The following NAT1 variants were observed in gnomAD, a reference collection of about 807,000 sequenced individuals.
NAT1 encodes arylamine N-acetyltransferase 1.
For missense variants in NAT1, 400 were observed against 339.2 expected (o/e 1.18, Z -1.41); for synonymous variants, 144 against 122.6 (o/e 1.17, Z -1.16).
intron 1 of NAT1, among the ~76,000 whole-genome samples, chr8:18,215,671 T>C (rs966077212): frequency 2.0e-5 from 3 of 152,208 alleles, no homozygotes; most frequent in African/African-American, 7.2e-5. Flanking sequence ...GGTTTTTTTG[T>C]ATATAACTTT....
chr8:18,206,037 G>C (rs925755981), upstream of NAT1, among the ~76,000 whole-genome samples: 1 of 152,216 alleles, frequency 6.6e-6, no homozygotes, highest in African/African-American at 2.4e-5. Flanking sequence ...AGATGCTCCA[G>C]GACCAAACCC....
At position 18,171,980 on chromosome 8, in the gene NAT1, G is replaced by A. The variant is rs548879756; in HGVS notation, n.92+1241G>A. ...CTCTTGAATTCCATTCTAACTCACT[G>A]TCTTTCAGCAAACAGACTAACATCT... On this transcript the variant is annotated intron_variant and non_coding_transcript_variant, in intron 2 of 4. Transcript: ENST00000517441. Among the ~76,000 whole-genome samples the A allele has an allele frequency of 1.2e-4, 19 of 152,266 alleles. 2 individuals carry two copies. The highest frequency in any genetic ancestry group is 4.6e-4 in the African/African-American group (19 of 41,576).
chr8:18,206,819 T>A (rs571660565), upstream of NAT1, among the ~76,000 whole-genome samples: 66 of 152,334 alleles, frequency 4.3e-4, no homozygotes, highest in African/African-American at 1.6e-3. Flanking sequence ...ATAGAAATTA[T>A]AAATTACTTT....
intron 2 of NAT1, among the ~76,000 whole-genome samples, chr8:18,180,662 T>C (rs1430012818): frequency 1.3e-5 from 2 of 152,152 alleles, no homozygotes; most frequent in Non-Finnish European, 2.9e-5. Flanking sequence ...TTTTGAATGT[T>C]CTCACCATAA....
Position 18,222,033 on chromosome 8 carries a change from C to T in NAT1, c.-6-9C>T, listed in dbSNP as rs779442195. On this transcript the variant is annotated splice_polypyrimidine_tract_variant and intron_variant, in intron 2 of 2. Coordinates refer to ENST00000307719, the MANE Select transcript of NAT1 (RefSeq NM_000662.8). ...AATGATTTGCTTTCGTTTTGTTTTCCTTGCTTAGGGGATCATGGACATTGA... is the reference window on the plus strand; with the variant it reads ...AATGATTTGCTTTCGTTTTGTTTTCTTTGCTTAGGGGATCATGGACATTGA... 6.3e-7 allele frequency: 1 copy of T among 1,584,114 alleles called. No homozygotes were observed. The highest frequency in any genetic ancestry group is 8.6e-7 in the Non-Finnish European group (1 of 1,164,902).
chr8:18,178,078 G>A (rs1237436225), intron 2 of NAT1, among the ~76,000 whole-genome samples: 2 of 152,082 alleles, frequency 1.3e-5, no homozygotes, highest in Admixed American at 6.6e-5. Context: ...TCACATGATT[G>A]GAGTCATGGG....
chr8:18,179,405 A>C (rs1802420961), intron 2 of NAT1, among the ~76,000 whole-genome samples: 1 of 152,148 alleles, frequency 6.6e-6, no homozygotes, highest in Non-Finnish European at 1.5e-5. Context: ...GGCCACTCAA[A>C]TTAGTAGCAT....
rs117795980 is a variant in NAT1, at chr8:18,173,619, T to G, written n.92+2880T>G. 1.2e-4 allele frequency among the ~76,000 whole-genome samples: 19 copies of G among 152,300 alleles called. No homozygotes were observed. In the East Asian group the frequency reaches 2.9e-3, roughly 23 times the overall value. ...CCAGTACTTAGGAGCCCAGCGTGGATAGTGGAGAGTGCACATTCCACATCT... is the reference window on the plus strand; with the variant it reads ...CCAGTACTTAGGAGCCCAGCGTGGAGAGTGGAGAGTGCACATTCCACATCT... On this transcript the variant is annotated intron_variant and non_coding_transcript_variant, in intron 2 of 4. Transcript: ENST00000517441.
intron 2 of NAT1, among the ~76,000 whole-genome samples, chr8:18,194,798 A>G (rs1008948513): frequency 2.6e-4 from 38 of 148,796 alleles, no homozygotes; most frequent in Non-Finnish European, 4.6e-4. Flanking sequence ...CAGCCTGGGC[A>G]ACAGAGTGAG....
chr8:18,217,754 A>G (rs564987020), intron 1 of NAT1, among the ~76,000 whole-genome samples: 8 of 152,270 alleles, frequency 5.3e-5, no homozygotes, highest in African/African-American at 1.9e-4. Flanking sequence ...GGGTATTACA[A>G]TATTGTTTAT....
intron 2 of NAT1, among the ~76,000 whole-genome samples, chr8:18,185,110 G>T (rs1802681174): frequency 6.6e-6 from 1 of 151,970 alleles, no homozygotes; most frequent in South Asian, 2.1e-4. Context: ...AGGAGTGATT[G>T]TTCTGTAATT....
chr8:18,205,042 T>A (rs1803647478), intron 2 of NAT1, among the ~76,000 whole-genome samples: 1 of 152,176 alleles, frequency 6.6e-6, no homozygotes, highest in African/African-American at 2.4e-5. Context: ...AGTTTAGGTA[T>A]CCACTGTGTT....
At chr8:18,218,402 C>T (rs891090058) in intron 1 of NAT1, among the ~76,000 whole-genome samples, 1 of 152,112 alleles carries the variant, frequency 6.6e-6, no homozygotes, top group Non-Finnish European at 1.5e-5. Context: ...GCATGTCACA[C>T]ACAATTAGAG....
chr8:18,175,737 A>C (rs572071347), intron 2 of NAT1, among the ~76,000 whole-genome samples: 1 of 152,196 alleles, frequency 6.6e-6, no homozygotes, highest in African/African-American at 2.4e-5. Context: ...TCCAGAGTGC[A>C]ATTCCTGGGT....
At chr8:18,178,610 G>A (rs1423779943) in intron 2 of NAT1, among the ~76,000 whole-genome samples, 4 of 152,136 alleles carry the variant, frequency 2.6e-5, no homozygotes, top group African/African-American at 4.8e-5. Context: ...TTTTCCTAGT[G>A]AAAATTATCA....
chr8:18,210,684 T>G (rs1357267210), intron 1 of NAT1, among the ~76,000 whole-genome samples: 1 of 152,224 alleles, frequency 6.6e-6, no homozygotes, highest in Non-Finnish European at 1.5e-5. Context: ...TTCCTGCTCC[T>G]CTTGCACTAG....
intron 1 of NAT1, among the ~76,000 whole-genome samples, chr8:18,215,254 T>C (rs1186674074): frequency 1.3e-5 from 2 of 152,244 alleles, no homozygotes; most frequent in Non-Finnish European, 2.9e-5. Context: ...TTGTGAATAG[T>C]GCCATACATT....
chr8:18,206,461 G>A (rs1194843571), upstream of NAT1, among the ~76,000 whole-genome samples: 1 of 152,176 alleles, frequency 6.6e-6, no homozygotes. Flanking sequence ...AAAACTGAAT[G>A]CTATTCCTCT....
chr8:18,200,744 T>C (rs1349564291), intron 2 of NAT1, among the ~76,000 whole-genome samples: 3 of 152,030 alleles, frequency 2.0e-5, no homozygotes, highest in African/African-American at 7.2e-5. Context: ...AAGTAATATG[T>C]AGGTATCAGG....
Sources: gnomAD v4.1 joint callset for allele counts (sites outside exome capture counted in the v4.1 genomes callset) on GRCh38, gnomAD v4.1.1 for gene constraint, MANE v1.5 for transcripts, NCBI Gene and HGNC (gene_info 2026-07-23, HGNC 2026-07-21) for gene names.